Variants in CRISPLD2 observed in about 807,000 individuals in gnomAD.
The protein encoded by CRISPLD2 is cysteine-rich secretory protein LCCL domain-containing 2.
In CRISPLD2, 47 loss-of-function variants were observed where a neutral mutation model predicts 71.1. The observed-to-expected ratio is 0.66, with a 90% confidence interval of 0.52 to 0.84. The LOEUF (loss-of-function observed/expected upper bound fraction) is 0.84. Among genes scored for constraint, CRISPLD2 ranks in the 40% least tolerant of loss-of-function variants. CRISPLD2 has a pLI of 0.00. For missense variants in CRISPLD2, 830 were observed against 651.1 expected (o/e 1.27, Z -2.99); for synonymous variants, 317 against 250.1 (o/e 1.27, Z -2.52).
intron 13 of CRISPLD2, among the ~76,000 whole-genome samples, chr16:84,887,434 C>T (rs1171465134): frequency 3.9e-5 from 6 of 152,194 alleles, no homozygotes; most frequent in South Asian, 2.1e-4. Flanking sequence ...AGTCCGTCTT[C>T]GTGCCCTGTA....
chr16:84,866,866 T>C (rs72799566), intron 6 of CRISPLD2, 31 bp from the exon 7 acceptor site: 151,175 of 1,598,940 alleles, frequency 0.095, 7,986 homozygotes, highest in Middle Eastern at 0.12. Flanking sequence ...TCCCAGTGTG[T>C]TATTTTTTTT....
Position 84,838,506 on chromosome 16 carries a change from T to A in CRISPLD2, c.11T>A (p.Val4Asp). 6.2e-7 allele frequency: 1 copy of A among 1,613,828 alleles called. No homozygotes were observed. The highest frequency in any genetic ancestry group is 1.3e-5 in the African/African-American group (1 of 74,980). Residue 4 changes from valine (V) to aspartate (D), a missense_variant, in exon 2 of 15, where the codon GTC becomes GAC. Val to Asp is a radical substitution (Grantham distance 152). Transcript: ENST00000262424. The part of the protein sequence containing the change: MSC[V>D]LGGVIPLGLL... ...TGCAGGAGTGGAGCCATGAGCTGCG[T>A]CCTGGGTGGTGTCATCCCCTTGGGG...
rs1046216964 is a variant in CRISPLD2 at position 84,841,419 on chromosome 16, G to A, written c.240+2684G>A. 7.2e-5 allele frequency among the ~76,000 whole-genome samples: 11 copies of A among 152,224 alleles called. No homozygotes were observed. In the South Asian group the frequency reaches 2.3e-3, roughly 32 times the overall value. ...CATGGCTCATTTCTGAGGGAGTGAGGCCATTGGAAGAGGTCAGAGAGGCAG... is the reference window on the plus strand; with the variant it reads ...CATGGCTCATTTCTGAGGGAGTGAGACCATTGGAAGAGGTCAGAGAGGCAG... On this transcript the variant is annotated intron_variant, in intron 2 of 14. Transcript: ENST00000262424.
At position 84,908,793 on chromosome 16, in the gene CRISPLD2, A is replaced by G. The variant is rs1043525751; in HGVS notation, c.*2151A>G. ...AACTGCCGCCTCCCGGGTTCAAGCA[A>G]TTCTCATGCATCAGCCTCCCAAGTA... On this transcript the variant is annotated 3_prime_UTR_variant, in exon 15 of 15. Coordinates refer to ENST00000262424, the MANE Select transcript of CRISPLD2 (RefSeq NM_031476.4). 6.7e-6 allele frequency: 1 copy of G among 149,970 alleles called. No individual in the cohort carries two copies. Among genetic ancestry groups the G allele is most frequent in the African/African-American group, 2.5e-5 (1 of 40,602 alleles). The allele number at this position is 149,970 out of a possible 1,614,324, so 9.3% of individuals were successfully genotyped here.
At chr16:84,850,501 G>C in intron 4 of CRISPLD2, 67 bp from the exon 5 acceptor site, 1 of 1,359,456 alleles carries the variant, frequency 7.4e-7, no homozygotes, top group Non-Finnish European at 1.1e-6. Context: ...TATACATCCA[G>C]GCCAAATGAT....
At chr16:84,881,132 T>C (rs1233125421) in intron 13 of CRISPLD2, among the ~76,000 whole-genome samples, 1 of 152,202 alleles carries the variant, frequency 6.6e-6, no homozygotes, top group Non-Finnish European at 1.5e-5. Flanking sequence ...TGGCCTTACT[T>C]AAATGTTTTC....
At chr16:84,902,825 G>A (rs1250780252) in intron 14 of CRISPLD2, among the ~76,000 whole-genome samples, 3 of 133,598 alleles carry the variant, frequency 2.2e-5, no homozygotes, top group African/African-American at 5.9e-5. Flanking sequence ...CCAGGCTGGA[G>A]TGCAGTGGCG....
rs540662948 is a variant in CRISPLD2 at position 84,869,684 on chromosome 16, T to C, written c.914+773T>C. Among the ~76,000 whole-genome samples, 45 of 152,286 alleles carry C rather than the reference T, an allele frequency of 3.0e-4. No homozygotes were observed. In the South Asian group the frequency reaches 6.4e-3, roughly 22 times the overall value. Reference sequence around the variant, plus strand: ...TAAAACCTCGCGCTCAGTGTTAGGGTAGCATTTGCATGTCTCTGTGCTGGG... The same window carrying C: ...TAAAACCTCGCGCTCAGTGTTAGGGCAGCATTTGCATGTCTCTGTGCTGGG... On this transcript the variant is annotated intron_variant, in intron 8 of 14. Coordinates refer to ENST00000262424, the MANE Select transcript of CRISPLD2 (RefSeq NM_031476.4).
At chr16:84,846,045 G>T in intron 3 of CRISPLD2, 141 bp downstream of exon 3, 1 of 589,090 alleles carries the variant, frequency 1.7e-6, no homozygotes. Context: ...GGGAAACTGA[G>T]GCTTGGCATC....
intron 6 of CRISPLD2, among the ~76,000 whole-genome samples, chr16:84,861,071 G>C (rs888924087): frequency 6.6e-6 from 1 of 152,122 alleles, no homozygotes; most frequent in African/African-American, 2.4e-5. Context: ...TCTCAGGAGC[G>C]CTGAATCAGG....
At chr16:84,876,775 A>G (rs1286999321) in intron 11 of CRISPLD2, among the ~76,000 whole-genome samples, 1 of 152,242 alleles carries the variant, frequency 6.6e-6, no homozygotes, top group Admixed American at 6.5e-5. Context: ...CTGGGCAAAA[A>G]GAGCAAAACT....
chr16:84,900,536 CGCTGGG>C lies in CRISPLD2; in HGVS notation c.1440-6051_1440-6046del, dbSNP rs1166773913. ...GAACCAAAAGCAAGACATCACACAG[CGCTGGG>C]AGGCATCACACAGCGCTGGGAGGCA... On this transcript the variant is annotated intron_variant, in intron 14 of 14. Coordinates refer to ENST00000262424, the MANE Select transcript of CRISPLD2 (RefSeq NM_031476.4). Among the ~76,000 whole-genome samples, 12 of 7,164 alleles carry C rather than the reference CGCTGGG, an allele frequency of 1.7e-3. No homozygotes were observed. The East Asian group carries it at 0.13, about 79-fold the overall frequency. The allele number at this position is 7,164 out of a possible 152,430, so 4.7% of individuals were successfully genotyped here. A position where few individuals can be genotyped will look rare whatever the true frequency, so the allele number is the denominator to read the frequency against.
intron 6 of CRISPLD2, among the ~76,000 whole-genome samples, chr16:84,862,297 G>A (rs985312371): frequency 6.6e-6 from 1 of 151,992 alleles, no homozygotes; most frequent in Admixed American, 6.6e-5. Context: ...CAACCTCCCG[G>A]CCTCAAGGGA....
intron 2 of CRISPLD2, chr16:84,838,936 T>A (rs1486895066): frequency 1.3e-6 from 1 of 742,586 alleles, no homozygotes. Flanking sequence ...CCACTGACGC[T>A]GGAGTGCAAT....
chr16:84,860,468 A>G (rs1198230663), intron 6 of CRISPLD2, among the ~76,000 whole-genome samples: 2 of 152,222 alleles, frequency 1.3e-5, no homozygotes, highest in Non-Finnish European at 2.9e-5. Context: ...TAGGTCTAGA[A>G]GCAAACAGGG....
At chr16:84,874,914 C>T (rs1221404229) in intron 11 of CRISPLD2, among the ~76,000 whole-genome samples, 1 of 152,154 alleles carries the variant, frequency 6.6e-6, no homozygotes, top group Non-Finnish European at 1.5e-5. Flanking sequence ...AATGGAGTTA[C>T]ATACAATTTG....
intron 6 of CRISPLD2, among the ~76,000 whole-genome samples, chr16:84,857,349 G>A (rs765904732): frequency 1.3e-5 from 2 of 152,192 alleles, no homozygotes; most frequent in Non-Finnish European, 2.9e-5. Flanking sequence ...GTCACCTTTT[G>A]GTGAGCATTG....
chr16:84,826,798 G>T (rs768956137), intron 1 of CRISPLD2, among the ~76,000 whole-genome samples: 1 of 151,946 alleles, frequency 6.6e-6, no homozygotes, highest in African/African-American at 2.4e-5. Context: ...TTTATCTGGG[G>T]CCTGACACAT....
At chr16:84,894,488 C>T (rs1408734059) in intron 14 of CRISPLD2, among the ~76,000 whole-genome samples, 1 of 152,142 alleles carries the variant, frequency 6.6e-6, no homozygotes, top group South Asian at 2.1e-4. Flanking sequence ...TCATGGGCAG[C>T]CCCTGCGCTA....
Sources: allele counts gnomAD v4.1 joint callset (sites outside exome capture counted in the v4.1 genomes callset), GRCh38; gene constraint gnomAD v4.1.1; transcripts MANE v1.5; gene names NCBI Gene and HGNC (gene_info 2026-07-23, HGNC 2026-07-21).